The following PACC1 variants were observed in gnomAD, a reference collection of about 807,000 sequenced individuals.
PACC1 encodes proton-activated chloride channel.
In PACC1, 34 loss-of-function variants were observed where a neutral mutation model predicts 39.7. That is an observed-to-expected ratio of 0.86 (90% CI 0.65 to 1.14). The LOEUF (loss-of-function observed/expected upper bound fraction) is 1.14. Ranked by LOEUF, PACC1 falls within the 50% of genes most tolerant of loss-of-function variation. PACC1 has a pLI of 0.00. For missense variants in PACC1, 379 were observed against 436.4 expected (o/e 0.87, Z 1.17); for synonymous variants, 127 against 160.6 (o/e 0.79, Z 1.58).
At chr1:212,413,932 C>A in intron 1 of PACC1, 1 of 1,535,170 alleles carries the variant, frequency 6.5e-7, no homozygotes, top group Non-Finnish European at 8.7e-7. Flanking sequence ...TGAGGCGGCA[C>A]GATGGAGGGG....
At chr1:212,414,115 G>C (rs1362891166) in intron 1 of PACC1, 3 of 1,498,170 alleles carry the variant, frequency 2.0e-6, no homozygotes, top group African/African-American at 1.4e-5. Context: ...CAAAGAACTG[G>C]AAAGTGATAA....
intron 6 of PACC1, among the ~76,000 whole-genome samples, chr1:212,375,889 A>G (rs1011565282): frequency 6.6e-5 from 10 of 152,216 alleles, no homozygotes; most frequent in African/African-American, 2.4e-4. Context: ...TGTCTCCAAA[A>G]AAAATAAAAT....
At chr1:212,412,066 G>A (rs962964264) in intron 1 of PACC1, among the ~76,000 whole-genome samples, 2 of 151,970 alleles carry the variant, frequency 1.3e-5, no homozygotes, top group Non-Finnish European at 2.9e-5. Context: ...TCTTGAACCC[G>A]GGAGGCGGAG....
chr1:212,366,755 T>G (rs530954373), intron 7 of PACC1, among the ~76,000 whole-genome samples: 1 of 152,282 alleles, frequency 6.6e-6, no homozygotes, highest in East Asian at 1.9e-4. Context: ...TATCACACAT[T>G]ACACAACGAG....
chr1:212,397,389 C>T (rs1241001974), intron 2 of PACC1, among the ~76,000 whole-genome samples: 1 of 152,186 alleles, frequency 6.6e-6, no homozygotes, highest in African/African-American at 2.4e-5. Flanking sequence ...GACTGTCAGT[C>T]TGGATTAAGA....
chr1:212,375,938 C>A (rs1323089141), intron 6 of PACC1, among the ~76,000 whole-genome samples: 6 of 152,110 alleles, frequency 3.9e-5, no homozygotes. Context: ...ATGTAAGACT[C>A]ACAATTAAAA....
intron 2 of PACC1, among the ~76,000 whole-genome samples, chr1:212,389,514 TTCAA>T (rs1276018821): frequency 6.6e-6 from 1 of 152,186 alleles, no homozygotes; most frequent in Non-Finnish European, 1.5e-5. Context: ...ATGTCCAGTG[TTCAA>T]TCAAAAATCA....
intron 4 of PACC1, 55 bp from the exon 5 acceptor site, chr1:212,380,092 T>C: frequency 6.3e-7 from 1 of 1,579,456 alleles, no homozygotes; most frequent in Non-Finnish European, 8.6e-7. Flanking sequence ...CAGAGGCCTC[T>C]GGGTCTGAGG....
intron 1 of PACC1, 143 bp from the exon 2 acceptor site, chr1:212,410,664 A>G: frequency 1.3e-6 from 1 of 753,572 alleles, no homozygotes; most frequent in South Asian, 1.5e-5. Context: ...GCAATTTTAC[A>G]GATGAGGACA....
intron 4 of PACC1, among the ~76,000 whole-genome samples, chr1:212,385,057 A>G (rs1661047604): frequency 6.6e-6 from 1 of 152,194 alleles, no homozygotes; most frequent in Admixed American, 6.5e-5. Context: ...CCTGAGCATT[A>G]CTCAGCAAAG....
In PACC1 at chr1:212,365,156, G is replaced by A; in HGVS notation, c.*59C>T. The stretch of plus-strand genomic sequence containing the variant: ...GATTGTTGATAGCTCCGTTTACAAA[G>A]TGGAAGTGATGACAGCTCCCATTGA... On this transcript the variant is annotated 3_prime_UTR_variant, in exon 8 of 8. Transcript: ENST00000261455. The A allele has an allele frequency of 6.5e-7, 1 of 1,542,498 alleles. No homozygotes were observed. Among genetic ancestry groups the A allele is most frequent in the Non-Finnish European group, 8.8e-7 (1 of 1,134,220 alleles).
intron 2 of PACC1, among the ~76,000 whole-genome samples, chr1:212,394,000 C>T (rs1465715714): frequency 6.6e-6 from 1 of 151,088 alleles, no homozygotes; most frequent in Admixed American, 6.6e-5. Flanking sequence ...CCGAATTCTA[C>T]CAGAGGTACA....
At chr1:212,405,200 C>T (rs1398411543) in intron 2 of PACC1, among the ~76,000 whole-genome samples, 2 of 152,130 alleles carry the variant, frequency 1.3e-5, no homozygotes, top group Non-Finnish European at 2.9e-5. Context: ...TCTAAATCTC[C>T]ACTGCTCTCC....
intron 2 of PACC1, among the ~76,000 whole-genome samples, chr1:212,389,671 T>G (rs1013279316): frequency 6.6e-6 from 1 of 152,054 alleles, no homozygotes; most frequent in Non-Finnish European, 1.5e-5. Context: ...GAATAAGGAA[T>G]AAAGACAAGA....
rs201124115 is a variant in PACC1, at chr1:212,377,628, C to T, written c.717G>A (p.Trp239Ter). The T allele has an allele frequency of 8.7e-6, 14 of 1,614,182 alleles. No homozygotes were observed. The African/African-American group carries it at 1.9e-4, about 22-fold the overall frequency. ...SWKFSGGFRT[W>*]VKMSLVKTKE... ...TGGTCTTTACCAGTGACATCTTGACCCAGGTGCGGAAGCCCCCAGAGAACT... is the reference window on the plus strand; with the variant it reads ...TGGTCTTTACCAGTGACATCTTGACTCAGGTGCGGAAGCCCCCAGAGAACT... Residue 239 changes from tryptophan to a stop codon, truncating the protein, a stop_gained, in exon 6 of 8, where the codon TGG (tryptophan) becomes TGA (stop). Transcript: ENST00000261455. LOFTEE classifies it high-confidence loss of function.
chr1:212,413,460 T>C (rs377259123), intron 1 of PACC1, among the ~76,000 whole-genome samples: 6 of 152,150 alleles, frequency 3.9e-5, no homozygotes, highest in South Asian at 2.1e-4. Flanking sequence ...CAGACAGAAA[T>C]GCAGACGGGT....
intron 7 of PACC1, among the ~76,000 whole-genome samples, chr1:212,365,584 C>A (rs1019667034): frequency 6.6e-6 from 1 of 152,106 alleles, no homozygotes; most frequent in African/African-American, 2.4e-5. Flanking sequence ...GAACCTGCCA[C>A]CACACCTGGC....
chr1:212,402,139 T>C (rs930870009), intron 2 of PACC1, among the ~76,000 whole-genome samples: 1 of 152,232 alleles, frequency 6.6e-6, no homozygotes, highest in Non-Finnish European at 1.5e-5. Context: ...ATGTAAGTTT[T>C]CATGTGGACG....
At chr1:212,414,009 G>C (rs188843296) in intron 1 of PACC1, 2 of 1,535,868 alleles carry the variant, frequency 1.3e-6, no homozygotes, top group Admixed American at 2.0e-5. Context: ...CGGAGGAGGA[G>C]AGCAGTTTCA....
Sources: gnomAD v4.1 joint callset for allele counts (sites outside exome capture counted in the v4.1 genomes callset) on GRCh38, gnomAD v4.1.1 for gene constraint, MANE v1.5 for transcripts, NCBI Gene and HGNC (gene_info 2026-07-23, HGNC 2026-07-21) for gene names.